CCNY: variants seen among roughly 807,000 people sequenced by gnomAD.
The protein encoded by CCNY is cyclin Y, also known as cyclin-Y.
In CCNY, 19 loss-of-function variants were observed where a neutral mutation model predicts 42.8. The observed-to-expected ratio is 0.44, with a 90% confidence interval of 0.31 to 0.65. The LOEUF (loss-of-function observed/expected upper bound fraction) is 0.65, where lower values mean the gene tolerates loss of function less well. CCNY is among the 30% of genes least tolerant of loss of function. The pLI, the probability that CCNY is intolerant of heterozygous loss-of-function variation, is 0.07. For missense variants in CCNY, 370 were observed against 437.3 expected, an observed-to-expected ratio of 0.85 and a Z score of 1.37; for synonymous variants, 165 against 162.7, an observed-to-expected ratio of 1.01 and a Z score of -0.11.
Position 35,253,733 on chromosome 10 carries a change from C to T in CCNY, c.-9+3107C>T, listed in dbSNP as rs115298896. On this transcript the variant is annotated intron_variant, in intron 3 of 11. Coordinates refer to the CCNY transcript ENST00000374706. Reference sequence around the variant, plus strand: ...CAGTGACTCAAACCAGGCATTGACTCCTTGAATAAACAACAACTGAATAGT... The same window carrying T: ...CAGTGACTCAAACCAGGCATTGACTTCTTGAATAAACAACAACTGAATAGT... Among the ~76,000 whole-genome samples, 547 of 152,102 alleles carry T rather than the reference C, an allele frequency of 3.6e-3. 4 individuals carry two copies. Among genetic ancestry groups the T allele is most frequent in the African/African-American group, 0.012 (502 of 41,492 alleles).
intron 3 of CCNY, chr10:35,250,770 G>A (rs1467740328): frequency 6.6e-6 from 1 of 152,294 alleles, no homozygotes; most frequent in Non-Finnish European, 1.5e-5. Context: ...GTATTCGTAA[G>A]GTTCCTTTTC....
At chr10:35,518,964 A>C (rs1033097624) in intron 4 of CCNY, among the ~76,000 whole-genome samples, 2 of 147,500 alleles carry the variant, frequency 1.4e-5, no homozygotes, top group Non-Finnish European at 3.0e-5. Flanking sequence ...GGGTATCTGG[A>C]TTTTTAACAG....
chr10:35,387,449 C>T (rs960713081), intron 1 of CCNY, among the ~76,000 whole-genome samples: 1 of 152,122 alleles, frequency 6.6e-6, no homozygotes, highest in Admixed American at 6.5e-5. Context: ...ACTGCCTGCT[C>T]CATGTTGTAT....
At chr10:35,565,476 T>C (rs1487949890) in intron 8 of CCNY, among the ~76,000 whole-genome samples, 10 of 152,220 alleles carry the variant, frequency 6.6e-5, no homozygotes, top group African/African-American at 2.4e-4. Context: ...TTGTGAGTTC[T>C]CTTTTTAAGA....
chr10:35,328,571 T>C (rs1835905048), intron 3 of CCNY, among the ~76,000 whole-genome samples: 1 of 152,234 alleles, frequency 6.6e-6, no homozygotes, highest in African/African-American at 2.4e-5. Flanking sequence ...CTCCTGAGTG[T>C]ATATAATGAG....
intron 1 of CCNY, among the ~76,000 whole-genome samples, chr10:35,405,097 A>T (rs539571266): frequency 6.6e-6 from 1 of 152,324 alleles, no homozygotes; most frequent in Non-Finnish European, 1.5e-5. Flanking sequence ...AATTTAGTTG[A>T]TAAGGTGCAG....
At chr10:35,247,910 G>A (rs2095709354) in intron 1 of CCNY, among the ~76,000 whole-genome samples, 9 of 138,986 alleles carry the variant, frequency 6.5e-5, no homozygotes, top group South Asian at 2.3e-4. Context: ...AAGAAAGAAA[G>A]AAAGAAAAGA....
intron 1 of CCNY, among the ~76,000 whole-genome samples, chr10:35,432,713 T>G (rs1589118037): frequency 6.6e-6 from 1 of 152,210 alleles, no homozygotes; most frequent in African/African-American, 2.4e-5. Context: ...AGTTCACATT[T>G]TGGGTTTCAT....
chr10:35,296,660 G>T (rs901052061), intron 3 of CCNY, among the ~76,000 whole-genome samples: 1 of 152,084 alleles, frequency 6.6e-6, no homozygotes, highest in African/African-American at 2.4e-5. Context: ...ACCACCATCT[G>T]CACAGAAATA....
chr10:35,480,882 C>G (rs894737885), intron 1 of CCNY, among the ~76,000 whole-genome samples: 1 of 152,056 alleles, frequency 6.6e-6, no homozygotes, highest in African/African-American at 2.4e-5. Flanking sequence ...AGGAGGATCG[C>G]TTGAATCCAA....
rs150546601 is a variant in CCNY, at chr10:35,259,359, C to T, written c.-9+8733C>T. Among the ~76,000 whole-genome samples the T allele has an allele frequency of 8.3e-3, 1,263 of 152,134 alleles. 23 individuals carry two copies. Among genetic ancestry groups the T allele is most frequent in the African/African-American group, 0.028 (1,178 of 41,504 alleles). On this transcript the variant is annotated intron_variant, in intron 3 of 11. Coordinates refer to the CCNY transcript ENST00000374706. ...CTCTTGAGTAGCTAGGAGTGCACCA[C>T]CATGCTTGGCTGGTTTTTAAATTTT...
intron 3 of CCNY, among the ~76,000 whole-genome samples, chr10:35,508,415 C>T (rs180802088): frequency 1.8e-4 from 27 of 152,268 alleles, no homozygotes; most frequent in Admixed American, 5.9e-4. Flanking sequence ...TTTTGTTTTG[C>T]GAACTCCTTT....
intron 3 of CCNY, among the ~76,000 whole-genome samples, chr10:35,513,228 C>T (rs559572357): frequency 5.3e-5 from 8 of 152,294 alleles, no homozygotes; most frequent in African/African-American, 1.9e-4. Context: ...GTAAGGTTCA[C>T]ATTATTTCAA....
At chr10:35,483,358 G>T in intron 1 of CCNY, 46 bp from the exon 2 acceptor site, 1 of 1,256,750 alleles carries the variant, frequency 8.0e-7, no homozygotes, top group Non-Finnish European at 1.2e-6. Flanking sequence ...ATTCCTCTTA[G>T]TTATCAGATG....
At chr10:35,334,553 T>A (rs946824279), upstream of CCNY, among the ~76,000 whole-genome samples, 3 of 152,218 alleles carry the variant, frequency 2.0e-5, no homozygotes, top group African/African-American at 7.2e-5. Flanking sequence ...AAGAGCACTA[T>A]TTTGGACTGT....
intron 1 of CCNY, among the ~76,000 whole-genome samples, chr10:35,452,674 T>A (rs916013189): frequency 2.6e-5 from 4 of 151,810 alleles, no homozygotes; most frequent in African/African-American, 9.7e-5. Flanking sequence ...TGAAAAACTG[T>A]ATGTGTCAGT....
chr10:35,521,229 C>A (rs1418660529), intron 4 of CCNY, among the ~76,000 whole-genome samples: 1 of 152,226 alleles, frequency 6.6e-6, no homozygotes, highest in Non-Finnish European at 1.5e-5. Flanking sequence ...ATGTTTTGTT[C>A]CCTGATAGGG....
intron 3 of CCNY, among the ~76,000 whole-genome samples, chr10:35,313,461 C>A (rs528257869): frequency 6.6e-6 from 1 of 152,190 alleles, no homozygotes; most frequent in African/African-American, 2.4e-5. Flanking sequence ...CCCGAGTTTG[C>A]GTCTGTTTCA....
intron 3 of CCNY, among the ~76,000 whole-genome samples, chr10:35,509,729 G>A (rs1840287483): frequency 1.3e-5 from 2 of 152,146 alleles, no homozygotes; most frequent in Non-Finnish European, 2.9e-5. Flanking sequence ...TCTCCCAGCC[G>A]GGTGCCTTCC....
Sources: allele counts gnomAD v4.1 joint callset (sites outside exome capture counted in the v4.1 genomes callset), GRCh38; gene constraint gnomAD v4.1.1; transcripts MANE v1.5; gene names NCBI Gene and HGNC (gene_info 2026-07-23, HGNC 2026-07-21).